Variants in TEP1 observed in about 807,000 individuals in gnomAD.
TEP1 encodes the protein telomerase associated protein 1, also known as telomerase protein component 1.
In TEP1, 241 loss-of-function variants were observed where a neutral mutation model predicts 306.3. That is an observed-to-expected ratio of 0.79 (90% CI 0.71 to 0.88). TEP1 has a LOEUF of 0.88. Among genes scored for constraint, TEP1 ranks in the 40% least tolerant of loss-of-function variants. The probability of loss-of-function intolerance (pLI) is 0.00; values close to 1 mark genes in which losing one functional copy is unlikely to be tolerated. For synonymous variants in TEP1, 1,289 were observed against 1,305.5 expected (o/e 0.99, Z 0.27); for missense variants, 3,051 against 3,276.1 (o/e 0.93, Z 1.68).
intron 6 of TEP1, 99 bp downstream of exon 6, chr14:20,403,624 T>G: frequency 6.3e-7 from 1 of 1,594,062 alleles, no homozygotes; most frequent in Non-Finnish European, 8.5e-7. Context: ...TCTGACTCCC[T>G]TTGCTCCTGG....
chr14:20,375,047 C>A (rs561457093), intron 43 of TEP1, among the ~76,000 whole-genome samples: 1 of 147,996 alleles, frequency 6.8e-6, no homozygotes, highest in Non-Finnish European at 1.5e-5. Context: ...GCAGAGATTG[C>A]GCCACTGCAC....
chr14:20,409,003 G>A (rs1879425394), intron 1 of TEP1, among the ~76,000 whole-genome samples: 1 of 152,052 alleles, frequency 6.6e-6, no homozygotes, highest in African/African-American at 2.4e-5. Flanking sequence ...TAGCTCCAGA[G>A]AAACAGGTAC....
At chr14:20,378,932 A>G in intron 36 of TEP1, 49 bp downstream of exon 36, 1 of 1,613,894 alleles carries the variant, frequency 6.2e-7, no homozygotes, top group African/African-American at 1.3e-5. Context: ...GGGGCTTCCA[A>G]AAAATGGGGA....
In TEP1 at chr14:20,405,557, G is replaced by C. The variant is rs1205967129; in HGVS notation, c.764C>G (p.Thr255Ser). 6.2e-7 allele frequency: 1 copy of C among 1,614,174 alleles called. No individual in the cohort carries two copies. The highest frequency in any genetic ancestry group is 1.7e-5 in the Admixed American group (1 of 60,016). The change falls in exon 4 of 55, where the codon ACT becomes AGT. Residue 255 changes from threonine to serine, a missense_variant. This residue lies in a region of TEP1 where 1,507 missense variants were observed against 1,550.5 expected (regional missense o/e 0.97). Transcript: ENST00000262715. ...KMALLSLLCS[T>S]LVSEVNMNNT... The stretch of plus-strand genomic sequence containing the variant: ...GTTCATGTTTACTTCTGAGACCAGA[G>C]TAGAGCACAGCAAGCTCAGTAGAGC...
intron 1 of TEP1, among the ~76,000 whole-genome samples, chr14:20,411,701 C>T (rs1879691600): frequency 6.6e-6 from 1 of 151,714 alleles, no homozygotes; most frequent in South Asian, 2.1e-4. Flanking sequence ...AAAGTATATA[C>T]TGTTTTGTGC....
At position 20,388,029 on chromosome 14, in the gene TEP1, C is replaced by A; in HGVS notation, c.2560G>T (p.Glu854Ter). ...ATTTTGTCCATTTGGCCCACATGTT[C>A]CAGAAGATGGGAGGCCCCATGCTCT... ...IAEHGASHLLEHVGQMDKIFK... is the reference protein window; with the variant it reads ...IAEHGASHLL The change falls in exon 18 of 55, where the codon GAA becomes TAA. Residue 854 changes from glutamate (E) to a stop codon, truncating the protein, a stop_gained. Coordinates refer to ENST00000262715, the MANE Select transcript of TEP1 (RefSeq NM_007110.5). LOFTEE classifies it high-confidence loss of function. 1.2e-6 allele frequency: 2 copies of A among 1,614,060 alleles called. No individual in the cohort carries two copies.
rs1251060431 is a variant in TEP1 at position 20,373,495 on chromosome 14, G to A, written c.6681+12C>T. The A allele has an allele frequency of 6.2e-7, 1 of 1,614,188 alleles. No homozygotes were observed. The highest frequency in any genetic ancestry group is 1.1e-5 in the South Asian group (1 of 91,086). The stretch of plus-strand genomic sequence containing the variant: ...CCCACCTCCCTTGACTCTGGTCCTT[G>A]CAGGAACTCACCAAGAGTGGATGCC... On this transcript the variant is annotated intron_variant, in intron 46 of 54. Transcript: ENST00000262715.
Position 20,369,525 on chromosome 14 carries a change from T to A in TEP1, c.7475A>T (p.Lys2492Ile), listed in dbSNP as rs1179461099. The A allele has an allele frequency of 5.6e-6, 9 of 1,614,128 alleles. No homozygotes were observed. The East Asian group carries it at 2.0e-4, about 36-fold the overall frequency. ...GGTCCATTCTCCTTCTGGGCTGCAT[T>A]TGGCCAGGTTCCATAGGATCCCATC... ...SSDGILWNLA[K>I]CSPEGEWTTG... The change falls in exon 53 of 55, where the codon AAA (lysine) becomes ATA (isoleucine). Residue 2492 changes from lysine (K) to isoleucine (I), a missense_variant. Around this residue, in one of 3 missense-constraint regions of TEP1, gnomAD observed 1,540 missense variants for 1,705.9 expected, o/e 0.90. Transcript: ENST00000262715.
At chr14:20,386,006 T>C (rs1877109266) in intron 20 of TEP1, 69 bp downstream of exon 20, 1 of 1,514,754 alleles carries the variant, frequency 6.6e-7, no homozygotes, top group South Asian at 1.4e-5. Context: ...TGACAGAGTG[T>C]GGCTTCTCCC....
chr14:20,385,955 T>A, intron 20 of TEP1, 120 bp downstream of exon 20: 2 of 1,394,844 alleles, frequency 1.4e-6, no homozygotes, highest in Non-Finnish European at 1.9e-6. Flanking sequence ...GTATTTCACT[T>A]CAAGTCTCAA....
intron 51 of TEP1, among the ~76,000 whole-genome samples, chr14:20,370,071 A>C (rs1884745179): frequency 6.6e-6 from 1 of 151,848 alleles, no homozygotes; most frequent in Non-Finnish European, 1.5e-5. Context: ...GCGCCACCAC[A>C]CCCAGCTGAT....
chr14:20,401,289 G>T, intron 8 of TEP1, 148 bp from the exon 9 acceptor site: 1 of 1,374,422 alleles, frequency 7.3e-7, no homozygotes, highest in Non-Finnish European at 9.8e-7. Flanking sequence ...ATGTTTACAG[G>T]TGAGTCAGAA....
In TEP1 at chr14:20,395,904, C is replaced by T. The variant is rs777133526; in HGVS notation, c.1705G>A (p.Ala569Thr). 17 of 1,613,796 alleles carry T rather than the reference C, an allele frequency of 1.1e-5. No homozygotes were observed. Among genetic ancestry groups the T allele is most frequent in the South Asian group, 2.2e-5 (2 of 91,070 alleles). Residue 569 changes from alanine (A) to threonine (T), a missense_variant, in exon 11 of 55, where the codon GCC (alanine) becomes ACC (threonine). Physicochemically the swap from Ala to Thr is moderately conservative, Grantham distance 58 (BLOSUM62 0). This residue lies in a region of TEP1 where 1,507 missense variants were observed against 1,550.5 expected (regional missense o/e 0.97). Coordinates refer to ENST00000262715, the MANE Select transcript of TEP1 (RefSeq NM_007110.5). Reference sequence around the variant, plus strand: ...TCGAGGGCATCAATGGCATCATGGGCGTTAAGAAATCTGAATGGAAACTGC... The same window carrying T: ...TCGAGGGCATCAATGGCATCATGGGTGTTAAGAAATCTGAATGGAAACTGC... ...SRQFPFRFLN[A>T]HDAIDALEAQ...
At chr14:20,386,984 G>C (rs1000778970) in intron 18 of TEP1, among the ~76,000 whole-genome samples, 4 of 151,324 alleles carry the variant, frequency 2.6e-5, no homozygotes, top group Non-Finnish European at 5.9e-5. Flanking sequence ...GCCCAGGCTA[G>C]AGTAAAATGG....
chr14:20,396,531 CT>C, intron 10 of TEP1, 89 bp downstream of exon 10: 1 of 1,119,688 alleles, frequency 8.9e-7, no homozygotes, highest in Non-Finnish European at 1.3e-6. Flanking sequence ...CCTCTGCCCC[CT>C]GAAAAAGCCT....
At chr14:20,399,355 C>T (rs946717569) in intron 9 of TEP1, among the ~76,000 whole-genome samples, 1 of 152,030 alleles carries the variant, frequency 6.6e-6, no homozygotes, top group Non-Finnish European at 1.5e-5. Flanking sequence ...CAATATCATA[C>T]TGGTGATATT....
Position 20,388,610 on chromosome 14 carries a change from A to G in TEP1, c.2526-547T>C, listed in dbSNP as rs184854073. Among the ~76,000 whole-genome samples, 3 of 152,394 alleles carry G rather than the reference A, an allele frequency of 2.0e-5. No individual in the cohort carries two copies. In the East Asian group the frequency reaches 5.8e-4, roughly 29 times the overall value. Reference sequence around the variant, plus strand: ...CAAGAATTGAACAGAAGCCACAGTGACATGGCCAACTCTTGACAGTGAAGT... The same window carrying G: ...CAAGAATTGAACAGAAGCCACAGTGGCATGGCCAACTCTTGACAGTGAAGT... On this transcript the variant is annotated intron_variant, in intron 17 of 54. Coordinates refer to ENST00000262715, the MANE Select transcript of TEP1 (RefSeq NM_007110.5).
At chr14:20,377,775 T>C (rs1246806688) in intron 39 of TEP1, 22 bp from the exon 40 acceptor site, 1 of 1,611,614 alleles carries the variant, frequency 6.2e-7, no homozygotes, top group Admixed American at 1.7e-5. Context: ...GAAAAGGGCT[T>C]AAGGATACCA....
chr14:20,372,362 ATGTGTGTGTGTGTGTGTATGTGTGTG>A (rs1276015674), intron 49 of TEP1, among the ~76,000 whole-genome samples: 4 of 135,002 alleles, frequency 3.0e-5, no homozygotes, highest in South Asian at 5.0e-4. Flanking sequence ...CCCCAGGAAT[ATGTGTGTGTGTGTGTGTATGTGTGTG>A]TGTGTGTGTG....
Sources: gnomAD v4.1 joint callset for allele counts (sites outside exome capture counted in the v4.1 genomes callset) on GRCh38, gnomAD v4.1.1 for gene constraint, gnomAD v4.1.1 regional missense constraint, MANE v1.5 for transcripts, NCBI Gene and HGNC (gene_info 2026-07-23, HGNC 2026-07-21) for gene names.